Variants in CDH18 observed in about 807,000 individuals in gnomAD.
CDH18 encodes cadherin 18.
CDH18 carries 31 observed loss-of-function variants against 67.9 expected under a neutral mutation model. The observed-to-expected ratio is 0.46, with a 90% CI of 0.34 to 0.62. The LOEUF is 0.62. Among genes scored for constraint, CDH18 ranks in the 20% least tolerant of loss-of-function variants. CDH18 has a pLI of 0.01. For synonymous variants in CDH18, 362 were observed against 347.2 expected, an observed-to-expected ratio of 1.04 and a Z score of -0.48; for missense variants, 890 against 975.5, an observed-to-expected ratio of 0.91 and a Z score of 1.17.
chr5:20,231,154 C>G (rs1347864553), intron 2 of CDH18, among the ~76,000 whole-genome samples: 1 of 152,046 alleles, frequency 6.6e-6, no homozygotes, highest in Non-Finnish European at 1.5e-5. Context: ...AACTTGAAAT[C>G]AAAATTGTAT....
intron 2 of CDH18, among the ~76,000 whole-genome samples, chr5:20,056,403 TG>T (rs201445202): frequency 1.2e-4 from 17 of 146,406 alleles, no homozygotes; most frequent in East Asian, 2.3e-4. Flanking sequence ...TTTGTTTGTT[TG>T]TTTTTTAATC....
At chr5:19,585,773 G>A (rs1357790424) in intron 7 of CDH18, among the ~76,000 whole-genome samples, 1 of 152,098 alleles carries the variant, frequency 6.6e-6, no homozygotes, top group Non-Finnish European at 1.5e-5. Flanking sequence ...CCTTCTCCAA[G>A]AAGACAGTGT....
At chr5:20,069,408 T>TTTATTTAG (rs1554086507) in intron 2 of CDH18, among the ~76,000 whole-genome samples, 2 of 2,938 alleles carry the variant, frequency 6.8e-4, no homozygotes, top group Admixed American at 0.016. Flanking sequence ...TTTTATTATT[T>TTTATTTAG]TTATTTATTT....
intron 3 of CDH18, among the ~76,000 whole-genome samples, chr5:19,818,114 C>G (rs1036723150): frequency 6.6e-6 from 1 of 152,070 alleles, no homozygotes. Flanking sequence ...TTAACTGAAC[C>G]CTGATCTAAA....
At chr5:19,712,013 T>C (rs1444722251) in intron 5 of CDH18, among the ~76,000 whole-genome samples, 1 of 152,046 alleles carries the variant, frequency 6.6e-6, no homozygotes, top group East Asian at 1.9e-4. Flanking sequence ...TGCAGGAACA[T>C]AGACGGAACT....
At chr5:20,257,952 C>T (rs1025991027) in intron 1 of CDH18, among the ~76,000 whole-genome samples, 9 of 151,992 alleles carry the variant, frequency 5.9e-5, no homozygotes, top group African/African-American at 7.2e-5. Context: ...AAAATATACA[C>T]GTAGTTGTAC....
chr5:19,788,591 T>G (rs1776050851), intron 3 of CDH18, among the ~76,000 whole-genome samples: 1 of 152,180 alleles, frequency 6.6e-6, no homozygotes, highest in Non-Finnish European at 1.5e-5. Flanking sequence ...ATATGTCCTA[T>G]TGGCTTTCAT....
intron 4 of CDH18, among the ~76,000 whole-genome samples, chr5:19,737,619 C>G (rs73761494): frequency 0.072 from 10,992 of 152,110 alleles, 918 homozygotes; most frequent in East Asian, 0.25. Flanking sequence ...ATTATGCCCC[C>G]CTACCAATAA....
At chr5:19,947,053 T>C (rs1795339265) in intron 2 of CDH18, among the ~76,000 whole-genome samples, 1 of 152,066 alleles carries the variant, frequency 6.6e-6, no homozygotes, top group Non-Finnish European at 1.5e-5. Flanking sequence ...TATAAACTTG[T>C]AGAAATTTAG....
In CDH18 at chr5:20,216,603, T is replaced by C. The variant is rs142374542; in HGVS notation, c.-518+38841A>G. ...TCCATTAATAACATATGTCCAAGTT[T>C]AGTTCCTTAACATGATTTTTCATAA... On this transcript the variant is annotated intron_variant, in intron 2 of 14. Coordinates refer to the CDH18 transcript ENST00000507958. Among the ~76,000 whole-genome samples, 31 of 152,052 alleles carry C rather than the reference T, an allele frequency of 2.0e-4. No individual in the cohort carries two copies. The East Asian group carries it at 5.8e-3, about 28-fold the overall frequency.
intron 1 of CDH18, among the ~76,000 whole-genome samples, chr5:20,459,610 G>C (rs894375896): frequency 3.3e-5 from 5 of 152,120 alleles, no homozygotes; most frequent in Non-Finnish European, 7.4e-5. Flanking sequence ...TCCTGCCTCT[G>C]TGTACTGAAC....
chr5:19,500,975 T>G (rs1025307251), intron 11 of CDH18, among the ~76,000 whole-genome samples: 2 of 148,446 alleles, frequency 1.3e-5, no homozygotes, highest in Non-Finnish European at 3.0e-5. Flanking sequence ...TACTAAAAAA[T>G]ACAAAAAAAT....
chr5:20,301,379 T>A (rs1386416378), intron 1 of CDH18, among the ~76,000 whole-genome samples: 1 of 152,138 alleles, frequency 6.6e-6, no homozygotes. Flanking sequence ...TGCTAAGAAG[T>A]TTTACATCTC....
chr5:19,643,937 G>C (rs1169964290), intron 5 of CDH18, among the ~76,000 whole-genome samples: 1 of 152,086 alleles, frequency 6.6e-6, no homozygotes, highest in Admixed American at 6.6e-5. Flanking sequence ...AAATTATCAA[G>C]TTTATACCTT....
At chr5:19,634,711 G>C (rs1250008759) in intron 5 of CDH18, among the ~76,000 whole-genome samples, 1 of 152,006 alleles carries the variant, frequency 6.6e-6, no homozygotes, top group African/African-American at 2.4e-5. Flanking sequence ...CTGAGGGTGG[G>C]TGGATCACCT....
chr5:20,078,823 C>A (rs1744194496), intron 2 of CDH18, among the ~76,000 whole-genome samples: 1 of 152,064 alleles, frequency 6.6e-6, no homozygotes, highest in South Asian at 2.1e-4. Flanking sequence ...GCCACGTTGG[C>A]CAGGCTGGTC....
chr5:19,583,462 G>A (rs1256367883), intron 7 of CDH18, among the ~76,000 whole-genome samples: 1 of 152,070 alleles, frequency 6.6e-6, no homozygotes, highest in Non-Finnish European at 1.5e-5. Flanking sequence ...CAAGAAACAT[G>A]AAGACAGTAT....
At chr5:20,256,605 C>T (rs747886561) in intron 1 of CDH18, among the ~76,000 whole-genome samples, 5 of 151,700 alleles carry the variant, frequency 3.3e-5, no homozygotes, top group South Asian at 2.1e-4. Context: ...GAGGGGTGGA[C>T]GAGAGAAAAG....
chr5:19,784,652 C>T (rs536605672), intron 3 of CDH18, among the ~76,000 whole-genome samples: 14 of 152,142 alleles, frequency 9.2e-5, no homozygotes, highest in Non-Finnish European at 1.5e-4. Context: ...AAATAGCTCT[C>T]GCAGGTAATT....
Sources: allele counts gnomAD v4.1 joint callset (sites outside exome capture counted in the v4.1 genomes callset), GRCh38; gene constraint gnomAD v4.1.1; transcripts MANE v1.5; gene names NCBI Gene and HGNC (gene_info 2026-07-23, HGNC 2026-07-21).